The following BRDT variants were observed in gnomAD, a reference collection of about 807,000 sequenced individuals.
BRDT encodes bromodomain testis-specific protein.
Under a neutral mutation model 113.9 loss-of-function variants are expected in BRDT, and 77 were observed. That is an observed-to-expected ratio of 0.68 (90% CI 0.56 to 0.82). BRDT has a LOEUF of 0.82. BRDT is among the 40% of genes least tolerant of loss of function. The pLI is 0.00. For synonymous variants in BRDT, 358 were observed against 366.5 expected, an observed-to-expected ratio of 0.98 and a Z score of 0.26; for missense variants, 1,027 against 1,105.4, an observed-to-expected ratio of 0.93 and a Z score of 1.01.
Position 91,994,232 on chromosome 1 carries a change from T to C in BRDT, c.2265T>C (p.Pro755=), listed in dbSNP as rs920582276. 14 of 1,608,284 alleles carry C rather than the reference T, an allele frequency of 8.7e-6. No individual in the cohort carries two copies. The highest frequency in any genetic ancestry group is 1.2e-5 in the Non-Finnish European group (14 of 1,177,964). ...TACAGACTGTGAAAAACATTTCACC[T>C]TTACAAATTCTGCCTCCCTCAGGTA... ...EHLQTVKNIS[P]LQILPPSGDS... Residue 755 remains proline, a synonymous_variant, in exon 15 of 19, where the codon CCT becomes CCC. Coordinates refer to ENST00000399546, the MANE Select transcript of BRDT (RefSeq NM_207189.4).
chr1:92,009,157 T>C (rs1687586136), intron 18 of BRDT, among the ~76,000 whole-genome samples: 1 of 152,210 alleles, frequency 6.6e-6, no homozygotes, highest in Non-Finnish European at 1.5e-5. Context: ...ACCATTTCAT[T>C]CTCTGCTTCT....
intron 18 of BRDT, among the ~76,000 whole-genome samples, chr1:92,010,205 A>G (rs936504357): frequency 9.3e-5 from 14 of 150,116 alleles, no homozygotes; most frequent in Non-Finnish European, 1.3e-4. Context: ...CCTTGTGAGG[A>G]CTCCAATTAT....
intron 12 of BRDT, among the ~76,000 whole-genome samples, chr1:91,984,155 G>A (rs2101694413): frequency 6.6e-6 from 1 of 152,186 alleles, no homozygotes; most frequent in South Asian, 2.1e-4. Context: ...AAAGACAAAT[G>A]GGAAAAAATT....
In BRDT at chr1:91,980,975, G is replaced by A. The variant is rs1249342026; in HGVS notation, c.1547G>A (p.Arg516Lys). 10 of 1,613,896 alleles carry A rather than the reference G, an allele frequency of 6.2e-6. No individual in the cohort carries two copies. Among genetic ancestry groups the A allele is most frequent in the African/African-American group, 2.7e-5 (2 of 74,900 alleles). ...NAKPMNYDEK[R>K]QLSLNINKLP... ...AAACCTATGAACTATGATGAGAAAAGGCAGTTAAGTCTGAATATAAACAAA... is the reference window on the plus strand; with the variant it reads ...AAACCTATGAACTATGATGAGAAAAAGCAGTTAAGTCTGAATATAAACAAA... Residue 516 changes from arginine (R) to lysine (K), a missense_variant, in exon 10 of 19, where the codon AGG (arginine) becomes AAG (lysine). By Grantham distance (26) the Arg-to-Lys change is conservative. Coordinates refer to ENST00000399546, the MANE Select transcript of BRDT (RefSeq NM_207189.4).
intron 14 of BRDT, among the ~76,000 whole-genome samples, chr1:91,993,071 T>C (rs1685950828): frequency 1.3e-5 from 2 of 152,188 alleles, no homozygotes; most frequent in Non-Finnish European, 2.9e-5. Context: ...TATTAATCCA[T>C]AGGTTCATGT....
chr1:91,993,798 A>T (rs1300952983), intron 14 of BRDT, among the ~76,000 whole-genome samples: 1 of 152,178 alleles, frequency 6.6e-6, no homozygotes, highest in Non-Finnish European at 1.5e-5. Flanking sequence ...ATACATGTAT[A>T]CTCATGTAAA....
rs1021952827 is a variant in BRDT, at chr1:91,994,124, C to T, written c.2157C>T (p.Thr719=). Residue 719 remains threonine, a synonymous_variant, in exon 15 of 19, where the codon ACC becomes ACT. Transcript: ENST00000399546. ...AAGACACAACCTCTGCCAATACTACCCTTGTTCATCAGACCACACCTTCAC... is the reference window on the plus strand; with the variant it reads ...AAGACACAACCTCTGCCAATACTACTCTTGTTCATCAGACCACACCTTCAC... ...CVQDTTSANT[T]LVHQTTPSHV... is the part of the protein sequence containing the mutation. 2.5e-6 allele frequency: 4 copies of T among 1,612,390 alleles called. No individual in the cohort carries two copies. The highest frequency in any genetic ancestry group is 1.7e-4 in the Middle Eastern group (1 of 6,058).
At position 91,981,662 on chromosome 1, in the gene BRDT, C is replaced by A. The variant is rs867588680; in HGVS notation, c.1909C>A (p.Leu637Met). 1 of 1,614,056 alleles carries A rather than the reference C, an allele frequency of 6.2e-7. No individual in the cohort carries two copies. The highest frequency in any genetic ancestry group is 8.5e-7 in the Non-Finnish European group (1 of 1,180,020). Residue 637 changes from leucine to methionine, a missense_variant, in exon 12 of 19, where the codon CTG (leucine) becomes ATG (methionine). Leu to Met is a conservative substitution (Grantham distance 15). Transcript: ENST00000399546. ...CAAAGCTGTTGAAAATGTTTCCCGA[C>A]TGAGTGAGAGCAGCAGCAGCAGCAG... is the stretch of plus-strand genomic sequence containing the variant. Reference protein sequence around the residue: ...PSKAVENVSRLSESSSSSSSS... With the variant: ...PSKAVENVSRMSESSSSSSSS...
intron 12 of BRDT, among the ~76,000 whole-genome samples, chr1:91,986,796 C>G (rs987198154): frequency 3.9e-5 from 6 of 152,056 alleles, no homozygotes; most frequent in Admixed American, 6.6e-5. Context: ...TTTGTTCAAG[C>G]CTAGATTTTA....
intron 1 of BRDT, among the ~76,000 whole-genome samples, chr1:91,962,144 CAAAAAAAAAAAAAAAAAAAAAAAAAAAA>C (rs555326698): frequency 2.6e-4 from 17 of 65,078 alleles, no homozygotes; most frequent in Admixed American, 1.8e-3. Flanking sequence ...GACTCCGTCT[CAAAAAAAAAAAAAAAAAAAAAAAAAAAA>C]AAAAAAAAAA....
At chr1:91,970,055 C>T (rs1203538081) in intron 4 of BRDT, among the ~76,000 whole-genome samples, 3 of 152,092 alleles carry the variant, frequency 2.0e-5, no homozygotes, top group South Asian at 4.1e-4. Flanking sequence ...GTCTCAAACT[C>T]CTGACCTTAG....
At chr1:91,974,036 A>G (rs1683878166) in intron 4 of BRDT, among the ~76,000 whole-genome samples, 1 of 152,240 alleles carries the variant, frequency 6.6e-6, no homozygotes, top group Non-Finnish European at 1.5e-5. Flanking sequence ...GAAATGGGGA[A>G]AGGATTCCCT....
intron 6 of BRDT, 29 bp from the exon 7 acceptor site, chr1:91,978,139 G>A: frequency 1.3e-6 from 2 of 1,585,552 alleles, no homozygotes; most frequent in South Asian, 1.1e-5. Flanking sequence ...TGAACTATTT[G>A]TGAATCCTGT....
Position 91,977,121 on chromosome 1 carries a change from C to T in BRDT, c.697C>T (p.Pro233Ser). 1 of 1,613,702 alleles carries T rather than the reference C, an allele frequency of 6.2e-7. No individual in the cohort carries two copies. Among genetic ancestry groups the T allele is most frequent in the Non-Finnish European group, 8.5e-7 (1 of 1,179,908 alleles). Reference sequence around the variant, plus strand: ...AGTTAAAGCAAGTAGTGAATTTTCTCCAACATTCACAGAAAAATCAGTGGC... The same window carrying T: ...AGTTAAAGCAAGTAGTGAATTTTCTTCAACATTCACAGAAAAATCAGTGGC... ...SAVKASSEFS[P>S]TFTEKSVALP... The change falls in exon 6 of 19, where the codon CCA becomes TCA. Residue 233 changes from proline to serine, a missense_variant. Pro to Ser is a moderately conservative substitution (Grantham distance 74, BLOSUM62 -1). Coordinates refer to ENST00000399546, the MANE Select transcript of BRDT (RefSeq NM_207189.4).
In BRDT at chr1:92,005,315, T is replaced by C; in HGVS notation, c.2775+16T>C. The C allele has an allele frequency of 6.6e-7, 1 of 1,515,684 alleles. No individual in the cohort carries two copies. The highest frequency in any genetic ancestry group is 1.4e-5 in the South Asian group (1 of 73,882). The allele number at this position is 1,515,684 out of a possible 1,614,324, so 93.9% of individuals were successfully genotyped here. Reference sequence around the variant, plus strand: ...GAGAGAAGCAGTAAGTGAATTTTAGTTTACTAAATCTAATTTAACAAGGGA... The same window carrying C: ...GAGAGAAGCAGTAAGTGAATTTTAGCTTACTAAATCTAATTTAACAAGGGA... On this transcript the variant is annotated intron_variant, in intron 18 of 18. Coordinates refer to ENST00000399546, the MANE Select transcript of BRDT (RefSeq NM_207189.4).
chr1:91,980,508 TA>T, intron 8 of BRDT, 134 bp from the exon 9 acceptor site: 1 of 770,522 alleles, frequency 1.3e-6, no homozygotes, highest in East Asian at 3.2e-5. Flanking sequence ...TGAAATTAAA[TA>T]AAAACTTGAA....
chr1:91,980,169 G>A lies in BRDT; in HGVS notation c.1287+412G>A, dbSNP rs1047005883. 2.6e-5 allele frequency among the ~76,000 whole-genome samples: 4 copies of A among 152,182 alleles called. No individual in the cohort carries two copies. In the East Asian group the frequency reaches 7.7e-4, roughly 29 times the overall value. On this transcript the variant is annotated intron_variant, in intron 8 of 18. Coordinates refer to ENST00000399546, the MANE Select transcript of BRDT (RefSeq NM_207189.4). ...CGCCTGTAACCCCAACACTTTGGGA[G>A]TCCAAGGTGGGAGGATTGCTTGAGC...
intron 1 of BRDT, 150 bp from the exon 2 acceptor site, chr1:91,962,568 A>G: frequency 2.6e-6 from 1 of 390,582 alleles, no homozygotes; most frequent in South Asian, 6.8e-5. Flanking sequence ...TCCTGACCTC[A>G]AGTGATCCAC....
chr1:92,013,020 C>T (rs189005235), intron 18 of BRDT, among the ~76,000 whole-genome samples: 6 of 151,532 alleles, frequency 4.0e-5, no homozygotes, highest in East Asian at 2.0e-4. Flanking sequence ...AGGAGTTCGA[C>T]GCCAGCCTGG....
Sources: gnomAD v4.1 joint callset for allele counts (sites outside exome capture counted in the v4.1 genomes callset) on GRCh38, gnomAD v4.1.1 for gene constraint, MANE v1.5 for transcripts, NCBI Gene and HGNC (gene_info 2026-07-23, HGNC 2026-07-21) for gene names.